TAFA2: variants seen among roughly 807,000 people sequenced by gnomAD.
TAFA2 encodes TAFA chemokine like family member 2.
Under a neutral mutation model 18.8 loss-of-function variants are expected in TAFA2, and 7 were observed. The ratio of observed to expected loss-of-function variants is 0.37; its 90% confidence interval spans 0.21 to 0.70. TAFA2 has a LOEUF of 0.70. Among genes scored for constraint, TAFA2 ranks in the 30% least tolerant of loss-of-function variants. The pLI, the probability that TAFA2 is intolerant of heterozygous loss-of-function variation, is 0.53. For missense variants in TAFA2, 122 were observed against 158.1 expected, an observed-to-expected ratio of 0.77 and a Z score of 1.23; for synonymous variants, 60 against 54.2, an observed-to-expected ratio of 1.11 and a Z score of -0.47.
At chr12:61,809,527 T>C (rs1253810382) in intron 2 of TAFA2, among the ~76,000 whole-genome samples, 1 of 151,192 alleles carries the variant, frequency 6.6e-6, no homozygotes, top group Non-Finnish European at 1.5e-5. Context: ...ATAATAAAAA[T>C]ATGTCATACA....
At chr12:61,888,135 C>A (rs1325379854) in intron 1 of TAFA2, among the ~76,000 whole-genome samples, 1 of 152,066 alleles carries the variant, frequency 6.6e-6, no homozygotes, top group African/African-American at 2.4e-5. Context: ...GTTGGTGGGA[C>A]TGTAAACTAG....
intron 4 of TAFA2, among the ~76,000 whole-genome samples, chr12:61,745,544 A>G (rs938751362): frequency 1.3e-5 from 2 of 151,776 alleles, no homozygotes; most frequent in African/African-American, 4.8e-5. Flanking sequence ...AACACTCCCC[A>G]CTTCCCTTCC....
intron 1 of TAFA2, among the ~76,000 whole-genome samples, chr12:62,108,727 C>G (rs1214033092): frequency 6.6e-6 from 1 of 152,218 alleles, no homozygotes; most frequent in African/African-American, 2.4e-5. Flanking sequence ...TTGCATTTCT[C>G]TAATGACCAG....
intron 2 of TAFA2, among the ~76,000 whole-genome samples, chr12:61,839,406 T>A (rs1313282397): frequency 6.6e-6 from 1 of 152,034 alleles, no homozygotes; most frequent in Non-Finnish European, 1.5e-5. Context: ...GGGCATATAC[T>A]CAAAGGATAA....
At chr12:61,910,447 G>T (rs916155757) in intron 1 of TAFA2, among the ~76,000 whole-genome samples, 2 of 152,126 alleles carry the variant, frequency 1.3e-5, no homozygotes, top group Admixed American at 1.3e-4. Context: ...GAAGCTGGGT[G>T]ACTGCACGGC....
intron 2 of TAFA2, among the ~76,000 whole-genome samples, chr12:61,795,474 G>T (rs1484338576): frequency 6.6e-6 from 1 of 151,786 alleles, no homozygotes; most frequent in Non-Finnish European, 1.5e-5. Context: ...GCAAACTATC[G>T]CAAGGACAAA....
At chr12:62,009,065 G>T (rs1268056052) in intron 1 of TAFA2, among the ~76,000 whole-genome samples, 1 of 152,174 alleles carries the variant, frequency 6.6e-6, no homozygotes, top group African/African-American at 2.4e-5. Flanking sequence ...TTTAGCCCAT[G>T]TAAGTCATTT....
At chr12:61,998,594 GA>G (rs1205023626) in intron 1 of TAFA2, among the ~76,000 whole-genome samples, 2 of 152,134 alleles carry the variant, frequency 1.3e-5, no homozygotes, top group African/African-American at 4.8e-5. Context: ...TACAGATGGG[GA>G]AACTGAAGCT....
chr12:62,127,545 A>C (rs886438999), intron 1 of TAFA2, among the ~76,000 whole-genome samples: 1 of 152,000 alleles, frequency 6.6e-6, no homozygotes, highest in Non-Finnish European at 1.5e-5. Flanking sequence ...TTTTACCTTT[A>C]GTTTTTCATT....
intron 1 of TAFA2, among the ~76,000 whole-genome samples, chr12:61,982,876 CAAAAA>C (rs3031097): frequency 9.8e-5 from 10 of 101,584 alleles, no homozygotes; most frequent in Admixed American, 2.1e-4. Context: ...AAGTGGAAGG[CAAAAA>C]AAAAAAAAAA....
At chr12:62,256,336 A>C (rs2062938897) in intron 1 of TAFA2, among the ~76,000 whole-genome samples, 1 of 152,194 alleles carries the variant, frequency 6.6e-6, no homozygotes, top group African/African-American at 2.4e-5. Context: ...CCCATGCTAA[A>C]ATTAAACTTT....
At chr12:61,749,174 A>G (rs1220724175) in intron 4 of TAFA2, among the ~76,000 whole-genome samples, 1 of 151,808 alleles carries the variant, frequency 6.6e-6, no homozygotes, top group Non-Finnish European at 1.5e-5. Context: ...TTGGGAGGCT[A>G]AGGCATGAGA....
intron 2 of TAFA2, among the ~76,000 whole-genome samples, chr12:61,757,685 A>G (rs1869340204): frequency 6.6e-6 from 1 of 152,074 alleles, no homozygotes; most frequent in Admixed American, 6.6e-5. Context: ...AAGACCGATA[A>G]GGAGCTGCAC....
At chr12:61,845,208 T>C (rs979693260) in intron 2 of TAFA2, among the ~76,000 whole-genome samples, 2 of 152,202 alleles carry the variant, frequency 1.3e-5, no homozygotes, top group African/African-American at 4.8e-5. Context: ...ATCATGCCCG[T>C]AGCAGTTGTA....
At chr12:61,738,853 A>T (rs189187531) in intron 4 of TAFA2, among the ~76,000 whole-genome samples, 6 of 152,116 alleles carry the variant, frequency 3.9e-5, no homozygotes, top group African/African-American at 1.4e-4. Flanking sequence ...GAATAGAGAT[A>T]GTAGAGGAAG....
At chr12:61,829,442 T>C (rs1033099051) in intron 2 of TAFA2, among the ~76,000 whole-genome samples, 6 of 151,762 alleles carry the variant, frequency 4.0e-5, no homozygotes, top group African/African-American at 9.7e-5. Flanking sequence ...AATACATGAA[T>C]AGGTAACTTG....
At chr12:61,990,585 C>T (rs973337505) in intron 1 of TAFA2, among the ~76,000 whole-genome samples, 25 of 148,710 alleles carry the variant, frequency 1.7e-4, no homozygotes, top group Non-Finnish European at 3.4e-4. Flanking sequence ...GTGATCCACC[C>T]GCCTCGGCCT....
At chr12:61,799,663 A>C (rs1285647128) in intron 2 of TAFA2, among the ~76,000 whole-genome samples, 2 of 152,144 alleles carry the variant, frequency 1.3e-5, no homozygotes. Flanking sequence ...TCTACTAAAA[A>C]TACAAAAAAT....
At position 61,867,347 on chromosome 12, in the gene TAFA2, C is replaced by T. The variant is rs765838841; in HGVS notation, c.79G>A (p.Val27Ile). ...IIFIVTLWGK[V>I]VSSANHHKAH... is the part of the protein sequence containing the mutation. Reference sequence around the variant, plus strand: ...TTATGATGGTTTGCACTGGATACAACTTTCCCCCACAAGGTTACAATAAAT... The same window carrying T: ...TTATGATGGTTTGCACTGGATACAATTTTCCCCCACAAGGTTACAATAAAT... Residue 27 changes from valine to isoleucine, a missense_variant, in exon 2 of 5, where the codon GTT (valine) becomes ATT (isoleucine). By Grantham distance (29) the Val-to-Ile change is conservative. Coordinates refer to ENST00000416284, the MANE Select transcript of TAFA2 (RefSeq NM_178539.5). 5.9e-5 allele frequency: 94 copies of T among 1,605,368 alleles called. No homozygotes were observed. The highest frequency in any genetic ancestry group is 7.7e-5 in the Non-Finnish European group (90 of 1,175,054).
Sources: allele counts gnomAD v4.1 joint callset (sites outside exome capture counted in the v4.1 genomes callset), GRCh38; gene constraint gnomAD v4.1.1; transcripts MANE v1.5; gene names NCBI Gene and HGNC (gene_info 2026-07-23, HGNC 2026-07-21).